The following ENTHD1 variants were observed in gnomAD, a reference collection of about 807,000 sequenced individuals.
ENTHD1 encodes ENTH domain containing 1.
ENTHD1 carries 23 observed loss-of-function variants against 39.1 expected under a neutral mutation model. That is an observed-to-expected ratio of 0.59 (90% CI 0.42 to 0.83). ENTHD1 has a LOEUF of 0.83. Ranked by LOEUF, ENTHD1 falls within the 40% of genes least tolerant of loss-of-function variation. The probability of loss-of-function intolerance (pLI) is 0.00; values close to 1 mark genes in which losing one functional copy is unlikely to be tolerated. For missense variants in ENTHD1, 624 were observed against 705.4 expected (o/e 0.88, Z 1.31); for synonymous variants, 230 against 258.2 (o/e 0.89, Z 1.05).
chr22:39,800,471 C>T (rs766307019), intron 5 of ENTHD1, among the ~76,000 whole-genome samples: 2 of 152,178 alleles, frequency 1.3e-5, no homozygotes, highest in Non-Finnish European at 2.9e-5. Context: ...GCGTGTCTAA[C>T]CTACACATGC....
rs934792262 is a variant in ENTHD1 at position 39,826,021 on chromosome 22, G to A, written c.712-4908C>T. On this transcript the variant is annotated intron_variant, in intron 4 of 6. Transcript: ENST00000325157. The stretch of plus-strand genomic sequence containing the variant: ...CTCTTGAGTAGCTGGGACTATAGGC[G>A]CACACCACCACGCCTGGCTAATTTT... 5.3e-5 allele frequency among the ~76,000 whole-genome samples: 8 copies of A among 152,082 alleles called. No individual in the cohort carries two copies. In the East Asian group the frequency reaches 1.2e-3, roughly 22 times the overall value.
chr22:39,769,085 CACAA>C (rs1440588803), intron 5 of ENTHD1, among the ~76,000 whole-genome samples: 1 of 151,760 alleles, frequency 6.6e-6, no homozygotes, highest in Non-Finnish European at 1.5e-5. Context: ...TATATACACA[CACAA>C]ACTTGTGTAT....
intron 3 of ENTHD1, among the ~76,000 whole-genome samples, chr22:39,847,244 ATCAT>A (rs2065996459): frequency 1.3e-5 from 2 of 151,836 alleles, no homozygotes; most frequent in African/African-American, 2.4e-5. Flanking sequence ...ATTGGAAATA[ATCAT>A]TCTCAGTAAA....
chr22:39,797,312 T>G (rs371827644), intron 5 of ENTHD1, among the ~76,000 whole-genome samples: 1 of 152,242 alleles, frequency 6.6e-6, no homozygotes, highest in East Asian at 1.9e-4. Flanking sequence ...CATCCATTCA[T>G]TCAGTCAGTC....
chr22:39,853,499 C>T (rs1189076243), intron 3 of ENTHD1, among the ~76,000 whole-genome samples: 2 of 152,146 alleles, frequency 1.3e-5, no homozygotes, highest in Non-Finnish European at 2.9e-5. Context: ...CCACTGCACT[C>T]TAGCCTGGGC....
rs1569119917 is a variant in ENTHD1 at position 39,743,789 on chromosome 22, C to G, written c.1714G>C (p.Glu572Gln). ...LHEDLSTVIQ[E>Q]LNVINNILMS... ...AAGATGTTATTGATGACATTAAGTT[C>G]TTGGATCACTGTGCTCAGATCTTCA... Residue 572 changes from glutamate (E) to glutamine (Q), a missense_variant, in exon 7 of 7, where the codon GAA becomes CAA. Transcript: ENST00000325157. The G allele has an allele frequency of 6.2e-7, 1 of 1,614,110 alleles. No individual in the cohort carries two copies. Among genetic ancestry groups the G allele is most frequent in the Non-Finnish European group, 8.5e-7 (1 of 1,180,004 alleles).
intron 2 of ENTHD1, among the ~76,000 whole-genome samples, chr22:39,866,085 C>T (rs2066179678): frequency 6.6e-6 from 1 of 152,218 alleles, no homozygotes; most frequent in African/African-American, 2.4e-5. Flanking sequence ...ATGCCCATCA[C>T]CATGGCCATA....
At chr22:39,854,975 A>C (rs749781554) in intron 3 of ENTHD1, among the ~76,000 whole-genome samples, 32 of 152,058 alleles carry the variant, frequency 2.1e-4, no homozygotes, top group Non-Finnish European at 3.4e-4. Context: ...GTCAATTTCA[A>C]TTTCTCTCTT....
At chr22:39,805,437 T>A (rs567249489) in intron 5 of ENTHD1, among the ~76,000 whole-genome samples, 1 of 152,182 alleles carries the variant, frequency 6.6e-6, no homozygotes, top group East Asian at 1.9e-4. Context: ...GTGGCAGAAG[T>A]GAAAGGGCCT....
chr22:39,787,243 C>T (rs956707308), intron 5 of ENTHD1, among the ~76,000 whole-genome samples: 2 of 152,078 alleles, frequency 1.3e-5, no homozygotes, highest in Non-Finnish European at 1.5e-5. Context: ...ATGTTTCCAC[C>T]GACCAGCCAT....
chr22:39,854,954 T>C (rs1411765031), intron 3 of ENTHD1, among the ~76,000 whole-genome samples: 1 of 152,220 alleles, frequency 6.6e-6, no homozygotes, highest in Admixed American at 6.5e-5. Flanking sequence ...TTTTCTCTAA[T>C]GCAAATGTTA....
At chr22:39,872,615 A>C (rs1407172070) in intron 2 of ENTHD1, among the ~76,000 whole-genome samples, 1 of 152,180 alleles carries the variant, frequency 6.6e-6, no homozygotes, top group East Asian at 1.9e-4. Context: ...CTTAGTTCTT[A>C]GTCTAAGATA....
chr22:39,891,473 C>T (rs2066426097), intron 1 of ENTHD1, among the ~76,000 whole-genome samples: 1 of 146,408 alleles, frequency 6.8e-6, no homozygotes. Context: ...TAATTATAAT[C>T]ACTTTTTTTT....
intron 6 of ENTHD1, 54 bp downstream of exon 6, chr22:39,765,168 GT>G: frequency 2.1e-6 from 3 of 1,407,866 alleles, no homozygotes; most frequent in Non-Finnish European, 1.9e-6. Context: ...TTCAAAAGAG[GT>G]TTTTTGTTGT....
In ENTHD1 at chr22:39,884,471, C is replaced by T. The variant is rs752160803; in HGVS notation, c.349+2929G>A. Reference sequence around the variant, plus strand: ...CTGGGATTATAGGCGTGAGTCACCGCGCCTGGCCCTAGCCATCTTTTTAAC... The same window carrying T: ...CTGGGATTATAGGCGTGAGTCACCGTGCCTGGCCCTAGCCATCTTTTTAAC... On this transcript the variant is annotated intron_variant, in intron 2 of 6. Coordinates refer to ENST00000325157, the MANE Select transcript of ENTHD1 (RefSeq NM_152512.4). Among the ~76,000 whole-genome samples, 8 of 152,028 alleles carry T rather than the reference C, an allele frequency of 5.3e-5. 1 individual carries two copies. Among genetic ancestry groups the T allele is most frequent in the Middle Eastern group, 3.4e-3 (1 of 292 alleles).
chr22:39,813,716 A>G (rs1444555207), intron 5 of ENTHD1, among the ~76,000 whole-genome samples: 1 of 152,228 alleles, frequency 6.6e-6, no homozygotes, highest in Non-Finnish European at 1.5e-5. Flanking sequence ...CTAGCATGGT[A>G]TGGTAAGAAA....
rs1280680015 is a variant in ENTHD1, at chr22:39,743,274, C to T, written c.*405G>A. 3 of 158,208 alleles carry T rather than the reference C, an allele frequency of 1.9e-5. No homozygotes were observed. Among genetic ancestry groups the T allele is most frequent in the Non-Finnish European group, 2.8e-5 (2 of 72,258 alleles). 9.8% of individuals were successfully genotyped at this position (158,208 alleles called of 1,614,324 possible). On this transcript the variant is annotated 3_prime_UTR_variant, in exon 7 of 7. Coordinates refer to ENST00000325157, the MANE Select transcript of ENTHD1 (RefSeq NM_152512.4). ...CCCCAAACTCAATCCTCCTAGGTCA[C>T]CTCAGAGGCTTGTTAACAAGCTCCA...
intron 2 of ENTHD1, among the ~76,000 whole-genome samples, chr22:39,868,848 G>A (rs1244184848): frequency 1.3e-5 from 2 of 152,020 alleles, no homozygotes; most frequent in Admixed American, 1.3e-4. Flanking sequence ...CATACAATTG[G>A]CCAAAAAACA....
intron 5 of ENTHD1, among the ~76,000 whole-genome samples, chr22:39,791,482 C>T (rs1419754866): frequency 6.6e-6 from 1 of 151,988 alleles, no homozygotes; most frequent in African/African-American, 2.4e-5. Context: ...GCAACCTCCA[C>T]CTCCTGGGTT....
Sources: gnomAD v4.1 joint callset for allele counts (sites outside exome capture counted in the v4.1 genomes callset) on GRCh38, gnomAD v4.1.1 for gene constraint, MANE v1.5 for transcripts, NCBI Gene and HGNC (gene_info 2026-07-23, HGNC 2026-07-21) for gene names.